MAF: variants seen among roughly 807,000 people sequenced by gnomAD.
MAF encodes transcription factor Maf.
A neutral mutation model predicts 22.0 loss-of-function variants in MAF; 10 were observed. The ratio of observed to expected loss-of-function variants is 0.45; its 90% CI spans 0.28 to 0.77. The LOEUF is 0.77. Ranked by LOEUF, MAF falls within the 30% of genes least tolerant of loss-of-function variation. The probability of loss-of-function intolerance (pLI) is 0.12; values close to 1 mark genes in which losing one functional copy is unlikely to be tolerated. For missense variants in MAF, 544 were observed against 548.4 expected (o/e 0.99, Z 0.08); for synonymous variants, 337 against 255.8 (o/e 1.32, Z -3.03).
the MAF span, among the ~76,000 whole-genome samples, chr16:79,235,964 A>G: frequency 2.6e-5 from 4 of 151,962 alleles, no homozygotes; most frequent in African/African-American, 4.8e-5. Context: ...TTCTCTCCTA[A>G]AATTGTTCTC....
At chr16:79,215,742 A>G in the MAF span, among the ~76,000 whole-genome samples, 2 of 152,196 alleles carry the variant, frequency 1.3e-5, no homozygotes, top group African/African-American at 4.8e-5. Context: ...CAAGTGCTAC[A>G]TCCTGGAAAT....
chr16:79,419,208 C>T, the MAF span, among the ~76,000 whole-genome samples: 7 of 152,170 alleles, frequency 4.6e-5, 1 homozygote, highest in South Asian at 1.5e-3. Flanking sequence ...TCAGCATGGG[C>T]CAAACACAGC....
chr16:79,592,037 C>A (rs919494828), downstream of MAF, among the ~76,000 whole-genome samples: 1 of 152,192 alleles, frequency 6.6e-6, no homozygotes, highest in Non-Finnish European at 1.5e-5. Context: ...ACGTTAGCCA[C>A]GGAGCAAGTG....
At chr16:79,233,480 T>C in the MAF span, among the ~76,000 whole-genome samples, 1 of 151,910 alleles carries the variant, frequency 6.6e-6, no homozygotes, top group Non-Finnish European at 1.5e-5. Context: ...GCTATGCAAC[T>C]GGGGGCACTG....
the MAF span, among the ~76,000 whole-genome samples, chr16:79,218,785 A>G: frequency 6.6e-6 from 1 of 152,190 alleles, no homozygotes; most frequent in African/African-American, 2.4e-5. Context: ...GGGCAGAAAA[A>G]TACCAGTCCA....
the MAF span, among the ~76,000 whole-genome samples, chr16:79,547,910 G>GAGAGAC: frequency 0.01 from 1,345 of 132,596 alleles, 6 homozygotes; most frequent in Middle Eastern, 0.042. Context: ...GTGAGAGAGA[G>GAGAGAC]AGAGAGAGAT....
At chr16:79,221,840 G>C in the MAF span, among the ~76,000 whole-genome samples, 7 of 152,154 alleles carry the variant, frequency 4.6e-5, no homozygotes, top group Non-Finnish European at 1.0e-4. Context: ...GATCTGTGAA[G>C]TTCTGTTATT....
At chr16:79,470,785 T>C in the MAF span, among the ~76,000 whole-genome samples, 1 of 152,180 alleles carries the variant, frequency 6.6e-6, no homozygotes, top group East Asian at 1.9e-4. Context: ...AATGGGTGGA[T>C]GGATGGGTGA....
the MAF span, among the ~76,000 whole-genome samples, chr16:79,423,968 A>G: frequency 6.6e-6 from 1 of 152,246 alleles, no homozygotes; most frequent in Non-Finnish European, 1.5e-5. Context: ...TAATAGGGTT[A>G]AGATTCATTA....
the MAF span, among the ~76,000 whole-genome samples, chr16:79,564,917 C>A: frequency 1.3e-5 from 2 of 152,216 alleles, no homozygotes; most frequent in East Asian, 1.9e-4. Flanking sequence ...GCTGCACACT[C>A]TCTGCCTCTG....
chr16:79,501,897 A>G, the MAF span, among the ~76,000 whole-genome samples: 1 of 152,110 alleles, frequency 6.6e-6, no homozygotes, highest in East Asian at 1.9e-4. Flanking sequence ...GGAACTCTGT[A>G]TTTTTCCCCC....
At position 79,598,877 on chromosome 16, in the gene MAF, G is replaced by A; in HGVS notation, c.1026C>T (p.Asp342=). ...QEISRLVRER[D]AYKEKYEKLV... ...ACTTCTCGTATTTCTCCTTGTACGC[G>A]TCCCTCTCGCGCACCAGCCTGGAGA... Residue 342 remains aspartate (D), a synonymous_variant, in exon 1 of 2, where the codon GAC becomes GAT. Transcript: ENST00000326043. 1 of 1,613,750 alleles carries A rather than the reference G, an allele frequency of 6.2e-7. No individual in the cohort carries two copies. The highest frequency in any genetic ancestry group is 2.2e-5 in the East Asian group (1 of 44,788).
chr16:79,498,272 C>T, the MAF span, among the ~76,000 whole-genome samples: 2 of 152,168 alleles, frequency 1.3e-5, no homozygotes, highest in Admixed American at 6.5e-5. Flanking sequence ...TGCAACTTCT[C>T]GGCTCTGGTC....
chr16:79,448,718 C>T, the MAF span, among the ~76,000 whole-genome samples: 6 of 152,012 alleles, frequency 3.9e-5, no homozygotes, highest in Admixed American at 6.5e-5. Context: ...AGCCACTGCG[C>T]CTGGCCTGAA....
the MAF span, among the ~76,000 whole-genome samples, chr16:79,422,483 T>A: frequency 4.0e-3 from 608 of 152,268 alleles, 1 homozygote; most frequent in African/African-American, 0.014. Context: ...ATTTACTGCC[T>A]CCAAGACCTT....
chr16:79,452,196 G>A, the MAF span, among the ~76,000 whole-genome samples: 1 of 152,146 alleles, frequency 6.6e-6, no homozygotes, highest in Non-Finnish European at 1.5e-5. Context: ...AGAAATTGCT[G>A]ACCCCTGACA....
At chr16:79,501,905 C>A in the MAF span, among the ~76,000 whole-genome samples, 7 of 152,084 alleles carry the variant, frequency 4.6e-5, no homozygotes, top group African/African-American at 1.7e-4. Context: ...GTATTTTTCC[C>A]CCGCCAGCGG....
At chr16:79,389,390 C>G in the MAF span, among the ~76,000 whole-genome samples, 1 of 152,128 alleles carries the variant, frequency 6.6e-6, no homozygotes. Flanking sequence ...TCCCAAGTAG[C>G]TGGGATTACA....
the MAF span, among the ~76,000 whole-genome samples, chr16:79,466,387 G>A: frequency 3.3e-5 from 5 of 152,346 alleles, no homozygotes; most frequent in East Asian, 1.9e-4. Context: ...CAGTAATGGT[G>A]TTCTTCAGGT....
Sources: gnomAD v4.1 joint callset for allele counts (sites outside exome capture counted in the v4.1 genomes callset) on GRCh38, gnomAD v4.1.1 for gene constraint, MANE v1.5 for transcripts, NCBI Gene and HGNC (gene_info 2026-07-23, HGNC 2026-07-21) for gene names.